The following BABAM2 variants were observed in gnomAD, a reference collection of about 807,000 sequenced individuals.
The protein encoded by BABAM2 is BRISC and BRCA1-A complex member 2.
BABAM2 carries 31 observed loss-of-function variants against 54.7 expected under a neutral mutation model. The ratio of observed to expected loss-of-function variants is 0.57; its 90% CI spans 0.43 to 0.77. BABAM2 has a LOEUF of 0.77. Among genes scored for constraint, BABAM2 ranks in the 30% least tolerant of loss-of-function variants. The probability of loss-of-function intolerance (pLI) is 0.00; values close to 1 mark genes in which losing one functional copy is unlikely to be tolerated. For missense variants in BABAM2, 364 were observed against 455.8 expected, an observed-to-expected ratio of 0.80 and a Z score of 1.83; for synonymous variants, 167 against 162.9, an observed-to-expected ratio of 1.03 and a Z score of -0.19.
intron 2 of BABAM2, among the ~76,000 whole-genome samples, chr2:27,915,981 G>A (rs1456382293): frequency 6.6e-6 from 1 of 151,774 alleles, no homozygotes; most frequent in African/African-American, 2.4e-5. Flanking sequence ...TTTTAGATAG[G>A]TTAAGCATGT....
rs10594441 is a variant in BABAM2, at chr2:28,096,377, C to CA, written c.571-32880dup. Among the ~76,000 whole-genome samples, 1,340 of 139,462 alleles carry CA rather than the reference C, an allele frequency of 9.6e-3. 10 individuals are homozygous for CA. The highest frequency in any genetic ancestry group is 0.016 in the Non-Finnish European group (977 of 62,882). 91.5% of individuals were successfully genotyped at this position (139,462 alleles called of 152,430 possible). A position where few individuals can be genotyped will look rare whatever the true frequency, so the allele number is the denominator to read the frequency against. ...AACAATTTTAGGTATTGTTGATCAGCAAAAAAAAAAAAAACCATATTAAGC... is the reference window on the plus strand; with the variant it reads ...AACAATTTTAGGTATTGTTGATCAGCAAAAAAAAAAAAAAACCATATTAAGC... On this transcript the variant is annotated intron_variant, in intron 6 of 11. Transcript: ENST00000379624.
chr2:28,065,669 A>C (rs949456014), intron 6 of BABAM2, among the ~76,000 whole-genome samples: 5 of 152,194 alleles, frequency 3.3e-5, no homozygotes, highest in African/African-American at 1.2e-4. Context: ...TAAAAACATA[A>C]TTTTAAAAAG....
At chr2:28,100,462 CAA>C (rs34217491) in intron 6 of BABAM2, among the ~76,000 whole-genome samples, 9 of 89,626 alleles carry the variant, frequency 1.0e-4, no homozygotes, top group Admixed American at 4.2e-4. Context: ...ACTCTGTCTC[CAA>C]AAAAAAAAAA....
chr2:28,072,019 G>A (rs1406292815), intron 6 of BABAM2, among the ~76,000 whole-genome samples: 1 of 152,058 alleles, frequency 6.6e-6, no homozygotes, highest in African/African-American at 2.4e-5. Context: ...TTTAAACCTG[G>A]ATTCTGTTTG....
chr2:28,010,046 C>T (rs1674280501), intron 4 of BABAM2, among the ~76,000 whole-genome samples: 1 of 152,168 alleles, frequency 6.6e-6, no homozygotes, highest in African/African-American at 2.4e-5. Flanking sequence ...GGGTACTGCT[C>T]ATTGTGTGCA....
chr2:27,894,764 CAT>C, intron 2 of BABAM2, 80 bp downstream of exon 2: 3 of 1,540,850 alleles, frequency 1.9e-6, no homozygotes, highest in Non-Finnish European at 2.6e-6. Context: ...TTACCAGACT[CAT>C]AAAAATTGAC....
chr2:27,929,023 C>G (rs913402423), intron 2 of BABAM2, among the ~76,000 whole-genome samples: 1 of 145,036 alleles, frequency 6.9e-6, no homozygotes, highest in African/African-American at 2.6e-5. Flanking sequence ...CGAGACCACC[C>G]TGGGTAACAT....
intron 7 of BABAM2, among the ~76,000 whole-genome samples, chr2:28,137,216 G>A (rs141362234): frequency 0.013 from 2,020 of 152,174 alleles, 29 homozygotes; most frequent in South Asian, 0.05. Flanking sequence ...TAGTAAACAT[G>A]GTTTAATTTA....
At chr2:28,227,209 C>T (rs76926095) in intron 7 of BABAM2, among the ~76,000 whole-genome samples, 4,225 of 152,014 alleles carry the variant, frequency 0.028, 186 homozygotes, top group African/African-American at 0.097. Context: ...TTTAACCTCA[C>T]GTTTTCTTTC....
At chr2:27,960,084 T>C (rs1352322361) in intron 3 of BABAM2, among the ~76,000 whole-genome samples, 3 of 152,216 alleles carry the variant, frequency 2.0e-5, no homozygotes, top group African/African-American at 7.2e-5. Flanking sequence ...CTTTTGTTCA[T>C]TGTTAGACTT....
At chr2:27,955,827 A>G (rs910368413) in intron 3 of BABAM2, among the ~76,000 whole-genome samples, 8 of 152,224 alleles carry the variant, frequency 5.3e-5, no homozygotes, top group Non-Finnish European at 1.0e-4. Flanking sequence ...AGATAGTTAA[A>G]GCACTTTTTT....
At chr2:28,214,596 A>G (rs1292964635) in intron 7 of BABAM2, among the ~76,000 whole-genome samples, 1 of 152,050 alleles carries the variant, frequency 6.6e-6, no homozygotes, top group East Asian at 1.9e-4. Flanking sequence ...GCTTCATTGC[A>G]TTGGCTAGGA....
chr2:28,011,055 A>G (rs1377777002), intron 4 of BABAM2, among the ~76,000 whole-genome samples: 1 of 152,200 alleles, frequency 6.6e-6, no homozygotes, highest in Non-Finnish European at 1.5e-5. Flanking sequence ...GTGAGGACCT[A>G]TAGAGCTTAT....
intron 6 of BABAM2, among the ~76,000 whole-genome samples, chr2:28,055,885 T>C (rs1356658577): frequency 6.6e-6 from 1 of 152,254 alleles, no homozygotes; most frequent in African/African-American, 2.4e-5. Context: ...GTGGTACATA[T>C]GCATTTTGAA....
At chr2:28,132,291 A>G (rs1670154912) in intron 7 of BABAM2, among the ~76,000 whole-genome samples, 1 of 151,610 alleles carries the variant, frequency 6.6e-6, no homozygotes, top group Admixed American at 6.6e-5. Context: ...GGCGCCCGCC[A>G]CCACGCCCGG....
intron 11 of BABAM2, chr2:28,309,113 G>A (rs898174882): frequency 1.3e-5 from 2 of 152,264 alleles, no homozygotes; most frequent in African/African-American, 2.4e-5. Context: ...TCACCCCTGA[G>A]GCTTATGCTC....
chr2:28,079,214 G>A lies in BABAM2; in HGVS notation c.570+33415G>A, dbSNP rs906798378. On this transcript the variant is annotated intron_variant, in intron 6 of 11. Transcript: ENST00000379624. ...ATTTCAGAATAGTGGATACCTGGCA[G>A]GGGTAGTAGGTAAGGGGATGAGAAA... 2.0e-5 allele frequency among the ~76,000 whole-genome samples: 3 copies of A among 152,290 alleles called. No individual in the cohort carries two copies. The South Asian group carries it at 6.2e-4, about 32-fold the overall frequency.
At chr2:27,954,363 A>G (rs1056090058) in intron 3 of BABAM2, among the ~76,000 whole-genome samples, 1 of 152,248 alleles carries the variant, frequency 6.6e-6, no homozygotes. Flanking sequence ...GTAGGAGTGC[A>G]GCAGCACTGT....
At chr2:28,008,150 A>G (rs1364831153) in intron 4 of BABAM2, among the ~76,000 whole-genome samples, 1 of 152,174 alleles carries the variant, frequency 6.6e-6, no homozygotes, top group Non-Finnish European at 1.5e-5. Context: ...AAGTAACTGT[A>G]TTACCCAGAC....
Sources: gnomAD v4.1 joint callset for allele counts (sites outside exome capture counted in the v4.1 genomes callset) on GRCh38, gnomAD v4.1.1 for gene constraint, MANE v1.5 for transcripts, NCBI Gene and HGNC (gene_info 2026-07-23, HGNC 2026-07-21) for gene names.